ZNF732: variants seen among roughly 807,000 people sequenced by gnomAD.
ZNF732 encodes the protein zinc finger protein 732.
Under a neutral mutation model 11.5 loss-of-function variants are expected in ZNF732, and 12 were observed. The observed-to-expected ratio is 1.05, with a 90% CI of 0.67 to 1.70. The LOEUF is 1.70. Ranked by LOEUF, ZNF732 falls within the 40% of genes most tolerant of loss-of-function variation. The probability of loss-of-function intolerance (pLI) is 0.00; values close to 1 mark genes in which losing one functional copy is unlikely to be tolerated. For missense variants in ZNF732, 702 were observed against 676.9 expected (o/e 1.04, Z -0.41); for synonymous variants, 231 against 236.5 (o/e 0.98, Z 0.21).
chr4:271,476 G>C lies in ZNF732; in HGVS notation c.1381C>G (p.Leu461Val), dbSNP rs1553837398. The C allele has an allele frequency of 6.2e-7, 1 of 1,609,752 alleles. No homozygotes were observed. Among genetic ancestry groups the C allele is most frequent in the South Asian group, 1.1e-5 (1 of 90,176 alleles). The change falls in exon 4 of 4, where the codon CTG becomes GTG. Residue 461 changes from leucine (L) to valine (V), a missense_variant. Leu to Val is a conservative substitution (Grantham distance 32). Transcript: ENST00000419098. ...GTATGAATTTTCTTATGTTTACTCA[G>C]GTATGCAGACCATCCAAAGGCTTTG... ...CGKAFGWSAY[L>V]SKHKKIHTGE...
rs376761113 is a variant in ZNF732 at position 280,478 on chromosome 4, G to A, written c.227-7848C>T. The stretch of plus-strand genomic sequence containing the variant: ...CGCATGCCTGTAATCCCACCTACTC[G>A]GGAGGCTGAGGCAGGAGAATTGCTT... On this transcript the variant is annotated intron_variant, in intron 3 of 3. Transcript: ENST00000419098. Among the ~76,000 whole-genome samples, 168 of 152,216 alleles carry A rather than the reference G, an allele frequency of 1.1e-3. 1 individual carries two copies. In the Middle Eastern group the frequency reaches 0.014, roughly 12 times the overall value.
chr4:274,655 A>C (rs556222650), intron 3 of ZNF732, among the ~76,000 whole-genome samples: 45 of 151,864 alleles, frequency 3.0e-4, no homozygotes, highest in Non-Finnish European at 5.6e-4. Context: ...TGATTTAAAA[A>C]GACTGAAAAA....
chr4:295,352 CTT>C (rs1719924567), intron 3 of ZNF732, 84 bp downstream of exon 3: 1 of 1,107,234 alleles, frequency 9.0e-7, no homozygotes, highest in African/African-American at 1.6e-5. Flanking sequence ...TGGAGCAGAG[CTT>C]CCCAAACTAC....
intron 3 of ZNF732, among the ~76,000 whole-genome samples, chr4:285,091 C>T (rs1394842133): frequency 6.6e-6 from 1 of 152,070 alleles, no homozygotes; most frequent in African/African-American, 2.4e-5. Context: ...TTGCCTAGAA[C>T]TCACGGACAT....
intron 1 of ZNF732, among the ~76,000 whole-genome samples, chr4:299,354 CATAT>C (rs1560164925): frequency 5.5e-5 from 7 of 126,472 alleles, no homozygotes; most frequent in African/African-American, 2.3e-4. Context: ...TATATATACA[CATAT>C]ATACACATAT....
At chr4:290,381 T>C (rs1347426291) in intron 3 of ZNF732, among the ~76,000 whole-genome samples, 2 of 152,234 alleles carry the variant, frequency 1.3e-5, no homozygotes, top group South Asian at 2.1e-4. Flanking sequence ...AGTCCAGAAG[T>C]GGTCCTTCCC....
chr4:292,422 T>TG (rs1560162361), intron 3 of ZNF732, among the ~76,000 whole-genome samples: 1 of 151,890 alleles, frequency 6.6e-6, no homozygotes, highest in African/African-American at 2.4e-5. Flanking sequence ...CTGGGCATGG[T>TG]GGGGCATGCC....
In ZNF732 at chr4:305,442, G is replaced by A. The variant is rs1720214535; in HGVS notation, c.-132C>T. On this transcript the variant is annotated 5_prime_UTR_variant, in exon 1 of 4. Coordinates refer to ENST00000419098, the MANE Select transcript of ZNF732 (RefSeq NM_001137608.3). Reference sequence around the variant, plus strand: ...TGAGGGGTGAAAGCACGGCCGTGGAGACCCTAACCGAGCTCACGCTGGCGC... The same window carrying A: ...TGAGGGGTGAAAGCACGGCCGTGGAAACCCTAACCGAGCTCACGCTGGCGC... 10 of 1,310,646 alleles carry A rather than the reference G, an allele frequency of 7.6e-6. No homozygotes were observed. Among genetic ancestry groups the A allele is most frequent in the South Asian group, 2.6e-5 (2 of 76,486 alleles). 81.2% of individuals were successfully genotyped at this position (1,310,646 alleles called of 1,614,324 possible). A position where few individuals can be genotyped will look rare whatever the true frequency, so the allele number is the denominator to read the frequency against.
chr4:281,629 G>A (rs115129711), intron 3 of ZNF732, among the ~76,000 whole-genome samples: 1,931 of 152,258 alleles, frequency 0.013, 27 homozygotes, highest in Non-Finnish European at 0.016. Flanking sequence ...TAGTAGCTAC[G>A]TGACCCGGAT....
At chr4:282,287 C>T (rs562513961) in intron 3 of ZNF732, among the ~76,000 whole-genome samples, 69 of 152,124 alleles carry the variant, frequency 4.5e-4, no homozygotes, top group Non-Finnish European at 2.5e-4. Flanking sequence ...TAGAAGTTCA[C>T]TTTTGCTTGA....
chr4:286,142 A>AT (rs1446546412), intron 3 of ZNF732, among the ~76,000 whole-genome samples: 2 of 152,254 alleles, frequency 1.3e-5, no homozygotes. Flanking sequence ...ATTTTGCATT[A>AT]ATATAACAAG....
At chr4:283,199 A>C (rs1247100380) in intron 3 of ZNF732, among the ~76,000 whole-genome samples, 2 of 152,212 alleles carry the variant, frequency 1.3e-5, no homozygotes, top group Admixed American at 6.5e-5. Context: ...GATTGTCATC[A>C]GATGGGAATG....
chr4:275,262 G>A (rs1719469226), intron 3 of ZNF732, among the ~76,000 whole-genome samples: 1 of 151,658 alleles, frequency 6.6e-6, no homozygotes, highest in South Asian at 2.1e-4. Flanking sequence ...CATATTTATA[G>A]AAATTAAACA....
intron 3 of ZNF732, among the ~76,000 whole-genome samples, chr4:284,654 C>T (rs1719689417): frequency 6.6e-6 from 1 of 151,742 alleles, no homozygotes; most frequent in South Asian, 2.1e-4. Context: ...GGGTGGATCA[C>T]GAGATCAGGC....
intron 1 of ZNF732, among the ~76,000 whole-genome samples, chr4:302,902 C>T (rs185294505): frequency 1.2e-4 from 18 of 152,258 alleles, no homozygotes; most frequent in African/African-American, 4.3e-4. Context: ...AATCACCTAG[C>T]CTTGTTTCCA....
chr4:292,208 A>G (rs2108658116), intron 3 of ZNF732, among the ~76,000 whole-genome samples: 1 of 152,344 alleles, frequency 6.6e-6, no homozygotes, highest in South Asian at 2.1e-4. Flanking sequence ...CACAAGTGGG[A>G]TTGTATCAAA....
In ZNF732 at chr4:296,993, G is replaced by C. The variant is rs546784922; in HGVS notation, c.4-838C>G. Among the ~76,000 whole-genome samples the C allele has an allele frequency of 3.9e-5, 6 of 152,312 alleles. No homozygotes were observed. In the East Asian group the frequency reaches 9.7e-4, roughly 25 times the overall value. On this transcript the variant is annotated intron_variant, in intron 1 of 3. Transcript: ENST00000419098. Reference sequence around the variant, plus strand: ...CATTTGAAAAACAACATGTGGTCCAGGGGTGGTGGCTCATGCCTGTAATCC... The same window carrying C: ...CATTTGAAAAACAACATGTGGTCCACGGGTGGTGGCTCATGCCTGTAATCC...
At position 279,280 on chromosome 4, in the gene ZNF732, T is replaced by C. The variant is rs563741449; in HGVS notation, c.227-6650A>G. ...GGTGAAACCTTGTCTCTACTAAAAATACAAAAACAAAAAAAATTAGCTGGG... is the reference window on the plus strand; with the variant it reads ...GGTGAAACCTTGTCTCTACTAAAAACACAAAAACAAAAAAAATTAGCTGGG... On this transcript the variant is annotated intron_variant, in intron 3 of 3. Coordinates refer to ENST00000419098, the MANE Select transcript of ZNF732 (RefSeq NM_001137608.3). Among the ~76,000 whole-genome samples, 97 of 151,486 alleles carry C rather than the reference T, an allele frequency of 6.4e-4. 1 individual carries two copies. The highest frequency in any genetic ancestry group is 2.3e-3 in the African/African-American group (93 of 41,300).
At chr4:289,830 T>C (rs1176493786) in intron 3 of ZNF732, among the ~76,000 whole-genome samples, 1 of 152,064 alleles carries the variant, frequency 6.6e-6, no homozygotes, top group Non-Finnish European at 1.5e-5. Context: ...AACCCTACGA[T>C]CCCATCACCT....
Sources: allele counts gnomAD v4.1 joint callset (sites outside exome capture counted in the v4.1 genomes callset), GRCh38; gene constraint gnomAD v4.1.1; transcripts MANE v1.5; gene names NCBI Gene and HGNC (gene_info 2026-07-23, HGNC 2026-07-21).